Variants in ZNF544 observed in about 807,000 individuals in gnomAD.
The protein encoded by ZNF544 is zinc finger protein 544.
A neutral mutation model predicts 13.5 loss-of-function variants in ZNF544; 10 were observed. The ratio of observed to expected loss-of-function variants is 0.74; its 90% confidence interval spans 0.46 to 1.25. The LOEUF is 1.25. Among genes scored for constraint, ZNF544 ranks in the 50% most tolerant of loss-of-function variants. The pLI is 0.00. For synonymous variants in ZNF544, 323 were observed against 300.5 expected (o/e 1.07, Z -0.77); for missense variants, 896 against 845.6 (o/e 1.06, Z -0.74).
chr19:58,267,248 C>CA (rs947339817), downstream of ZNF544: 4 of 152,058 alleles, frequency 2.6e-5, no homozygotes, highest in African/African-American at 9.6e-5. Context: ...TTTCAGTAGA[C>CA]ACGGGGTTTC....
At chr19:58,232,260 A>G (rs536631736) in intron 3 of ZNF544, among the ~76,000 whole-genome samples, 105 of 152,140 alleles carry the variant, frequency 6.9e-4, no homozygotes, top group African/African-American at 2.4e-3. Context: ...GCATAGATCC[A>G]TCAGTGAAAA....
Position 58,243,986 on chromosome 19 carries a change from G to A in ZNF544, c.-38G>A. On this transcript the variant is annotated 5_prime_UTR_variant, in exon 4 of 7. Coordinates refer to ENST00000687789, the MANE Select transcript of ZNF544 (RefSeq NM_014480.4). Reference sequence around the variant, plus strand: ...CCAGACTGGTCTTCTGAGGACCTCTGCCCTCTACACAGCGGCCTCTTCAGG... The same window carrying A: ...CCAGACTGGTCTTCTGAGGACCTCTACCCTCTACACAGCGGCCTCTTCAGG... The A allele has an allele frequency of 1.3e-6, 2 of 1,599,166 alleles. No individual in the cohort carries two copies. Among genetic ancestry groups the A allele is most frequent in the South Asian group, 1.1e-5 (1 of 88,490 alleles).
At chr19:58,277,380 T>C in exon 7 of ZNF544, 1 of 621,948 alleles carries the variant, frequency 1.6e-6, no homozygotes, top group Non-Finnish European at 2.3e-6. Flanking sequence ...ATGTCATGGT[T>C]GATCTTCAGT....
chr19:58,274,397 C>T (rs1240159562), intron 5 of ZNF544, among the ~76,000 whole-genome samples: 2 of 152,104 alleles, frequency 1.3e-5, no homozygotes, highest in Admixed American at 6.6e-5. Flanking sequence ...GTCACGCATA[C>T]AGGGAAAATG....
At chr19:58,229,800 G>A (rs1201012024) in intron 2 of ZNF544, 1 of 152,394 alleles carries the variant, frequency 6.6e-6, no homozygotes, top group East Asian at 1.9e-4. Context: ...ATTTGATGGG[G>A]ACCGTACAAG....
intron 2 of ZNF544, 62 bp from the exon 3 acceptor site, chr19:58,230,332 G>A (rs2040943279): frequency 6.6e-6 from 1 of 152,178 alleles, no homozygotes; most frequent in East Asian, 1.9e-4. Flanking sequence ...GTTAAGCTCT[G>A]TAAATGCAAC....
chr19:58,239,674 G>A (rs1267872607), intron 3 of ZNF544, among the ~76,000 whole-genome samples: 3 of 152,196 alleles, frequency 2.0e-5, no homozygotes, highest in African/African-American at 4.8e-5. Context: ...CGGGGTGGGC[G>A]GATCGCCCGA....
chr19:58,275,703 TGAG>T (rs2051158059), intron 5 of ZNF544, among the ~76,000 whole-genome samples: 1 of 141,920 alleles, frequency 7.0e-6, no homozygotes, highest in Non-Finnish European at 1.5e-5. Flanking sequence ...GAGAATCCCT[TGAG>T]CCCAAGAGGT....
At position 58,263,241 on chromosome 19, in the gene ZNF544, A is replaced by AGTAAT; in HGVS notation, c.*487_*488insGTAAT. On this transcript the variant is annotated 3_prime_UTR_variant, in exon 7 of 7. Coordinates refer to ENST00000687789, the MANE Select transcript of ZNF544 (RefSeq NM_014480.4). ...TTTGCGAGGCCGAGGCAGGTGGATC[A>AGTAAT]CTTGAGCCCAGGAGTTTGAAACCAG... is the stretch of plus-strand genomic sequence containing the variant. 1.0e-6 allele frequency: 1 copy of AGTAAT among 973,344 alleles called. No individual in the cohort carries two copies. Among genetic ancestry groups the AGTAAT allele is most frequent in the Non-Finnish European group, 1.2e-6 (1 of 817,870 alleles). 60.3% of individuals were successfully genotyped at this position (973,344 alleles called of 1,614,324 possible). A position where few individuals can be genotyped will look rare whatever the true frequency, so the allele number is the denominator to read the frequency against.
rs965683737 is a variant in ZNF544, at chr19:58,263,005, C to A, written c.*251C>A. ...CTGGAGGCAAACCCTATGAATGTGA[C>A]CATTGCGAGAAAGCCTTTAGCCAAC... On this transcript the variant is annotated 3_prime_UTR_variant, in exon 7 of 7. Transcript: ENST00000687789. The A allele has an allele frequency of 8.8e-6, 11 of 1,252,996 alleles. No individual in the cohort carries two copies. The highest frequency in any genetic ancestry group is 1.1e-5 in the Non-Finnish European group (11 of 994,592). The allele number at this position is 1,252,996 out of a possible 1,614,324, so 77.6% of individuals were successfully genotyped here.
intron 6 of ZNF544, among the ~76,000 whole-genome samples, chr19:58,249,929 C>T (rs2046020627): frequency 6.6e-6 from 1 of 152,140 alleles, no homozygotes; most frequent in Non-Finnish European, 1.5e-5. Flanking sequence ...ACTCCCATTC[C>T]CAGTCCCGCG....
chr19:58,271,993 C>G (rs1361689140), intron 5 of ZNF544, among the ~76,000 whole-genome samples: 1 of 151,952 alleles, frequency 6.6e-6, no homozygotes, highest in African/African-American at 2.4e-5. Context: ...GAAACCCTGT[C>G]CCCACTAAAA....
At chr19:58,250,103 A>C (rs1321117171) in intron 6 of ZNF544, among the ~76,000 whole-genome samples, 2 of 152,268 alleles carry the variant, frequency 1.3e-5, no homozygotes, top group Non-Finnish European at 2.9e-5. Flanking sequence ...GGTAAACATA[A>C]GTAAGAACTA....
chr19:58,250,658 T>G (rs759590492), intron 6 of ZNF544, among the ~76,000 whole-genome samples: 1 of 148,940 alleles, frequency 6.7e-6, no homozygotes, highest in Non-Finnish European at 1.5e-5. Flanking sequence ...GCACCTGGAA[T>G]TTTAGCTCTG....
chr19:58,234,187 A>G (rs1163339218), intron 3 of ZNF544, among the ~76,000 whole-genome samples: 1 of 152,158 alleles, frequency 6.6e-6, no homozygotes, highest in African/African-American at 2.4e-5. Flanking sequence ...CTAAACTTGT[A>G]TGGGACTTTC....
intron 5 of ZNF544, chr19:58,276,211 G>T: frequency 2.2e-6 from 1 of 459,088 alleles, no homozygotes; most frequent in Non-Finnish European, 3.5e-6. Context: ...AGAACACACA[G>T]GTTTCCCCTA....
At chr19:58,275,193 C>T (rs1225409360) in intron 5 of ZNF544, among the ~76,000 whole-genome samples, 1 of 152,010 alleles carries the variant, frequency 6.6e-6, no homozygotes. Flanking sequence ...GCCAGGAGCC[C>T]CCCCACACTT....
At chr19:58,272,353 TGA>T (rs1330023849) in intron 5 of ZNF544, among the ~76,000 whole-genome samples, 1 of 151,752 alleles carries the variant, frequency 6.6e-6, no homozygotes, top group Non-Finnish European at 1.5e-5. Context: ...ACTGAGGCCG[TGA>T]GTTTGAGATT....
exon 7 of ZNF544, chr19:58,277,338 G>T: frequency 9.5e-7 from 1 of 1,055,838 alleles, no homozygotes; most frequent in Non-Finnish European, 1.2e-6. Flanking sequence ...CACTGGTAAC[G>T]TCTTCACCCC....
Sources: gnomAD v4.1 joint callset for allele counts (sites outside exome capture counted in the v4.1 genomes callset) on GRCh38, gnomAD v4.1.1 for gene constraint, MANE v1.5 for transcripts, NCBI Gene and HGNC (gene_info 2026-07-23, HGNC 2026-07-21) for gene names.